Variants in SIM2 observed in about 807,000 individuals in gnomAD.
The protein encoded by SIM2 is SIM bHLH transcription factor 2.
A neutral mutation model predicts 64.8 loss-of-function variants in SIM2; 28 were observed. The ratio of observed to expected loss-of-function variants is 0.43; its 90% CI spans 0.32 to 0.59. The LOEUF is 0.59. SIM2 is among the 20% of genes least tolerant of loss of function. The pLI is 0.07. For synonymous variants in SIM2, 408 were observed against 391.1 expected (o/e 1.04, Z -0.51); for missense variants, 847 against 871.4 (o/e 0.97, Z 0.35).
chr21:36,730,074 A>G lies in SIM2; in HGVS notation c.744-971A>G, dbSNP rs2088944871. ...GGGGGTCTGAACCAATCCTCCCCTC[A>G]TAGGAGCCTAAAGGTCCCCAGTTAT... is the stretch of plus-strand genomic sequence containing the variant. On this transcript the variant is annotated intron_variant, in intron 6 of 10. Coordinates refer to ENST00000290399, the MANE Select transcript of SIM2 (RefSeq NM_005069.6). 2.0e-5 allele frequency among the ~76,000 whole-genome samples: 3 copies of G among 152,284 alleles called. No individual in the cohort carries two copies. The South Asian group carries it at 6.2e-4, about 32-fold the overall frequency.
At chr21:36,714,118 C>A (rs933425931) in intron 3 of SIM2, among the ~76,000 whole-genome samples, 1 of 152,328 alleles carries the variant, frequency 6.6e-6, no homozygotes, top group South Asian at 2.1e-4. Flanking sequence ...CACCAACCTA[C>A]TATTATTATT....
At chr21:36,742,546 C>T (rs573308586) in intron 8 of SIM2, among the ~76,000 whole-genome samples, 60 of 152,248 alleles carry the variant, frequency 3.9e-4, no homozygotes, top group African/African-American at 1.3e-3. Context: ...GCATGAGCCA[C>T]GGTGCCCAGC....
intron 2 of SIM2, chr21:36,709,898 G>C (rs1158732498): frequency 6.0e-6 from 1 of 166,190 alleles, no homozygotes; most frequent in East Asian, 1.9e-4. Context: ...GCGCGATCTC[G>C]GCTCACTCCA....
Position 36,745,962 on chromosome 21 carries a change from G to C in SIM2, c.1576+826G>C, listed in dbSNP as rs1265822980. ...AGACCTAACTGCCGCTCAGAGTGTA[G>C]ACCGAGATGGTGCAGATGCCTGCAG... On this transcript the variant is annotated intron_variant, in intron 10 of 10. Coordinates refer to ENST00000290399, the MANE Select transcript of SIM2 (RefSeq NM_005069.6). This position sits in a 1 kb window ranked among gnomAD's most constrained non-coding sequence, Gnocchi z 4.8. 1 of 1,227,056 alleles carries C rather than the reference G, an allele frequency of 8.1e-7. No individual in the cohort carries two copies. Among genetic ancestry groups the C allele is most frequent in the African/African-American group, 1.5e-5 (1 of 65,008 alleles). 76.0% of individuals were successfully genotyped at this position (1,227,056 alleles called of 1,614,324 possible).
intron 3 of SIM2, among the ~76,000 whole-genome samples, chr21:36,719,558 C>G (rs1439131141): frequency 6.6e-6 from 1 of 152,228 alleles, no homozygotes; most frequent in East Asian, 1.9e-4. Flanking sequence ...CCTTTGCTTT[C>G]TGGTCCTTCC....
intron 7 of SIM2, among the ~76,000 whole-genome samples, chr21:36,734,238 T>A (rs571543098): frequency 6.6e-6 from 1 of 152,092 alleles, no homozygotes; most frequent in Non-Finnish European, 1.5e-5. Context: ...CACAAGGTGA[T>A]TTTATTTGAG....
chr21:36,710,922 T>C (rs1288545230), intron 2 of SIM2, among the ~76,000 whole-genome samples: 1 of 152,212 alleles, frequency 6.6e-6, no homozygotes, highest in Non-Finnish European at 1.5e-5. Flanking sequence ...CTACATATTA[T>C]AAGTGACACT....
At chr21:36,719,173 G>C (rs1024118681) in intron 3 of SIM2, among the ~76,000 whole-genome samples, 2 of 152,264 alleles carry the variant, frequency 1.3e-5, no homozygotes, top group African/African-American at 4.8e-5. Context: ...CCCTGGGCGG[G>C]AGCCACAGAA....
chr21:36,722,211 G>A (rs2088831930), intron 4 of SIM2, among the ~76,000 whole-genome samples: 1 of 152,174 alleles, frequency 6.6e-6, no homozygotes, highest in Non-Finnish European at 1.5e-5. Flanking sequence ...CATGTTAGAG[G>A]GAAGCTTTTT....
intron 6 of SIM2, among the ~76,000 whole-genome samples, chr21:36,729,657 AGGACTGACTGCACCAT>A (rs940979444): frequency 1.4e-5 from 2 of 144,346 alleles, no homozygotes; most frequent in African/African-American, 5.1e-5. Flanking sequence ...CCCGGCCCCC[AGGACTGACTGCACCAT>A]AGCCTCGCCT....
At chr21:36,741,135 T>C (rs1312145857) in intron 7 of SIM2, among the ~76,000 whole-genome samples, 1 of 152,224 alleles carries the variant, frequency 6.6e-6, no homozygotes, top group Non-Finnish European at 1.5e-5. Context: ...AGTAGAGGTC[T>C]TTCCTACATA....
At chr21:36,736,973 C>A (rs936718094) in intron 7 of SIM2, among the ~76,000 whole-genome samples, 1 of 151,822 alleles carries the variant, frequency 6.6e-6, no homozygotes, top group African/African-American at 2.4e-5. Context: ...GTCACCCAGT[C>A]TGGAATACAG....
chr21:36,731,882 TA>T lies in SIM2; in HGVS notation c.850+742del, dbSNP rs891742090. 3.0e-3 allele frequency among the ~76,000 whole-genome samples: 444 copies of T among 148,678 alleles called. 3 individuals are homozygous for T. Among genetic ancestry groups the T allele is most frequent in the African/African-American group, 0.01 (425 of 40,744 alleles). On this transcript the variant is annotated intron_variant, in intron 7 of 10. Transcript: ENST00000290399. Reference sequence around the variant, plus strand: ...ACTTTTCTTTTACTTTTTTAAAATCTAAAAAAAAAAATCTTTTTGAGACAGA... The same window carrying T: ...ACTTTTCTTTTACTTTTTTAAAATCTAAAAAAAAAATCTTTTTGAGACAGA...
intron 6 of SIM2, among the ~76,000 whole-genome samples, chr21:36,730,133 G>T (rs774554792): frequency 6.6e-6 from 1 of 152,168 alleles, no homozygotes. Context: ...TCACCCAGCG[G>T]CAGCATCCTG....
At chr21:36,711,300 T>C (rs1317159657) in intron 2 of SIM2, among the ~76,000 whole-genome samples, 2 of 152,258 alleles carry the variant, frequency 1.3e-5, no homozygotes, top group Non-Finnish European at 2.9e-5. Context: ...AAGACATTTA[T>C]AACTTTAGAA....
chr21:36,733,296 C>A (rs1205973921), intron 7 of SIM2, among the ~76,000 whole-genome samples: 1 of 152,066 alleles, frequency 6.6e-6, no homozygotes, highest in Non-Finnish European at 1.5e-5. Context: ...ATGATCTCAG[C>A]TCACTGCAGC....
intron 7 of SIM2, among the ~76,000 whole-genome samples, chr21:36,740,005 AAGAG>A (rs55821320): frequency 4.0e-5 from 5 of 124,396 alleles, no homozygotes; most frequent in African/African-American, 9.5e-5. Context: ...GAAAGAAAGA[AAGAG>A]AGAAAGAAAG....
intron 1 of SIM2, among the ~76,000 whole-genome samples, chr21:36,707,445 C>T (rs1050510823): frequency 6.6e-6 from 1 of 151,978 alleles, no homozygotes; most frequent in Non-Finnish European, 1.5e-5. Context: ...AGGCTGGGGG[C>T]CCCCGAATAA....
In SIM2 at chr21:36,719,456, C is replaced by A. The variant is rs1419318346; in HGVS notation, c.349-365C>A. Among the ~76,000 whole-genome samples the A allele has an allele frequency of 5.3e-5, 8 of 152,348 alleles. No individual in the cohort carries two copies. In the East Asian group the frequency reaches 1.5e-3, roughly 29 times the overall value. Reference sequence around the variant, plus strand: ...ATCGCCAGCAAGGGAAGGACAGAGACCCTGGCCTGGGTCTGTTTCAAGCCC... The same window carrying A: ...ATCGCCAGCAAGGGAAGGACAGAGAACCTGGCCTGGGTCTGTTTCAAGCCC... On this transcript the variant is annotated intron_variant, in intron 3 of 10. Coordinates refer to ENST00000290399, the MANE Select transcript of SIM2 (RefSeq NM_005069.6).
Sources: allele counts gnomAD v4.1 joint callset (sites outside exome capture counted in the v4.1 genomes callset), GRCh38; gene constraint gnomAD v4.1.1; non-coding constraint Gnocchi (gnomAD v3.1); transcripts MANE v1.5; gene names NCBI Gene and HGNC (gene_info 2026-07-23, HGNC 2026-07-21).